Variants in MRPS14 observed in about 807,000 individuals in gnomAD.
MRPS14 encodes the protein mitochondrial ribosomal protein S14.
In MRPS14, 14 loss-of-function variants were observed where a neutral mutation model predicts 16.4. The ratio of observed to expected loss-of-function variants is 0.85; its 90% CI spans 0.56 to 1.33. The LOEUF (loss-of-function observed/expected upper bound fraction) is 1.33. Among genes scored for constraint, MRPS14 ranks in the 40% most tolerant of loss-of-function variants. The pLI, the probability that MRPS14 is intolerant of heterozygous loss-of-function variation, is 0.00. For synonymous variants in MRPS14, 54 were observed against 61.9 expected, an observed-to-expected ratio of 0.87 and a Z score of 0.60; for missense variants, 162 against 176.8, an observed-to-expected ratio of 0.92 and a Z score of 0.48.
intron 1 of MRPS14, among the ~76,000 whole-genome samples, chr1:175,018,916 C>G (rs559867689): frequency 6.6e-6 from 1 of 152,256 alleles, no homozygotes; most frequent in Admixed American, 6.5e-5. Context: ...AGAAGACACA[C>G]AGTGAAAAGT....
intron 1 of MRPS14, among the ~76,000 whole-genome samples, chr1:175,020,848 C>T (rs146308959): frequency 6.9e-4 from 105 of 152,254 alleles, no homozygotes; most frequent in African/African-American, 2.4e-3. Flanking sequence ...TCCTTACCAG[C>T]TTATAATGGT....
At chr1:175,023,292 G>C (rs761870333) in intron 1 of MRPS14, 72 bp downstream of exon 1, 2 of 1,585,830 alleles carry the variant, frequency 1.3e-6, no homozygotes, top group Admixed American at 1.8e-5. Flanking sequence ...AGGTGGCAGA[G>C]CCGTGGGGGA....
At chr1:175,019,669 G>A (rs1215580160) in intron 1 of MRPS14, among the ~76,000 whole-genome samples, 1 of 152,166 alleles carries the variant, frequency 6.6e-6, no homozygotes, top group East Asian at 1.9e-4. Flanking sequence ...AGACTTCTCA[G>A]CACTAGTTGT....
rs1672806911 is a variant in MRPS14 at position 175,013,058 on chromosome 1, C to T, written c.*1611G>A. 1 of 152,204 alleles carries T rather than the reference C, an allele frequency of 6.6e-6. No individual in the cohort carries two copies. Among genetic ancestry groups the T allele is most frequent in the South Asian group, 2.1e-4 (1 of 4,832 alleles). The allele number at this position is 152,204 out of a possible 1,614,324, so 9.4% of individuals were successfully genotyped here. On this transcript the variant is annotated 3_prime_UTR_variant, in exon 3 of 3. Coordinates refer to ENST00000476371, the MANE Select transcript of MRPS14 (RefSeq NM_022100.3). ...GGCAGTATAAACTACTTGCAAGTAA[C>T]TTTAGAACACAAGTGTTTGCCCATT...
intron 1 of MRPS14, among the ~76,000 whole-genome samples, chr1:175,020,523 T>A (rs555027891): frequency 1.1e-4 from 17 of 152,310 alleles, no homozygotes; most frequent in African/African-American, 4.1e-4. Flanking sequence ...TCCCCCTTTT[T>A]TTGAGACGGA....
rs1334673594 is a variant in MRPS14, at chr1:175,014,860, AATCACATTATTACACAG to A, written c.205-26_205-10del. On this transcript the variant is annotated splice_polypyrimidine_tract_variant and intron_variant, in intron 2 of 2. Coordinates refer to ENST00000476371, the MANE Select transcript of MRPS14 (RefSeq NM_022100.3). ...TCTTCATCAGCCACATCCTAAGGGA[AATCACATTATTACACAG>A]ATCACATTACATTGTTGCACATGTA... The A allele has an allele frequency of 1.2e-6, 2 of 1,613,514 alleles. No homozygotes were observed. The highest frequency in any genetic ancestry group is 1.7e-6 in the Non-Finnish European group (2 of 1,179,716).
Position 175,014,749 on chromosome 1 carries a change from G to T in MRPS14, c.307C>A (p.Arg103Ser). ...AAGACTATACGACTAAGCCTCCAGC[G>T]CCGCTTCACACCACGCGGACGGGAC... is the stretch of plus-strand genomic sequence containing the variant. ...MTSRPRGVKR[R>S]WRLSRIVFRH... Residue 103 changes from arginine to serine, a missense_variant, in exon 3 of 3, where the codon CGC becomes AGC. Coordinates refer to ENST00000476371, the MANE Select transcript of MRPS14 (RefSeq NM_022100.3). 6.2e-7 allele frequency: 1 copy of T among 1,614,086 alleles called. No homozygotes were observed. Among genetic ancestry groups the T allele is most frequent in the South Asian group, 1.1e-5 (1 of 91,084 alleles).
At chr1:175,020,345 G>C (rs139650133) in intron 1 of MRPS14, among the ~76,000 whole-genome samples, 11 of 152,202 alleles carry the variant, frequency 7.2e-5, no homozygotes, top group African/African-American at 2.7e-4. Context: ...CTGTGAAATT[G>C]AGGGTACAGG....
Position 175,012,984 on chromosome 1 carries a change from T to G in MRPS14, c.*1685A>C, listed in dbSNP as rs1432131128. The G allele has an allele frequency of 3.3e-5, 5 of 152,206 alleles. No individual in the cohort carries two copies. The highest frequency in any genetic ancestry group is 7.3e-5 in the Non-Finnish European group (5 of 68,052). 9.4% of individuals were successfully genotyped at this position (152,206 alleles called of 1,614,324 possible). A position where few individuals can be genotyped will look rare whatever the true frequency, so the allele number is the denominator to read the frequency against. Reference sequence around the variant, plus strand: ...TGTGGATTAGATTTTAATGTGAATTTTGGAAGTACACAAAATGTTCAAACT... The same window carrying G: ...TGTGGATTAGATTTTAATGTGAATTGTGGAAGTACACAAAATGTTCAAACT... On this transcript the variant is annotated 3_prime_UTR_variant, in exon 3 of 3. Transcript: ENST00000476371.
chr1:175,015,092 T>G (rs1672856834), intron 2 of MRPS14, among the ~76,000 whole-genome samples: 1 of 151,776 alleles, frequency 6.6e-6, no homozygotes, highest in South Asian at 2.1e-4. Context: ...AGATTACAGG[T>G]GTGCACTACC....
intron 2 of MRPS14, 49 bp from the exon 3 acceptor site, chr1:175,014,900 G>A: frequency 2.2e-6 from 3 of 1,351,898 alleles, no homozygotes; most frequent in Middle Eastern, 1.8e-4. Flanking sequence ...TGTTGCACAT[G>A]TATTTTGCTC....
rs1171275241 is a variant in MRPS14, at chr1:175,014,938, CTT to C, written c.205-89_205-88del. 4,410 of 617,682 alleles carry C rather than the reference CTT, an allele frequency of 7.1e-3. 4 individuals are homozygous for C. The highest frequency in any genetic ancestry group is 0.016 in the East Asian group (338 of 21,524). The allele number at this position is 617,682 out of a possible 1,614,324, so 38.3% of individuals were successfully genotyped here. A position where few individuals can be genotyped will look rare whatever the true frequency, so the allele number is the denominator to read the frequency against. Reference sequence around the variant, plus strand: ...TCTCACTTGCAGGTAATTTTCTTTTCTTTTTTTTTTTTTTTTGAGACAGAGTC... The same window carrying C: ...TCTCACTTGCAGGTAATTTTCTTTTCTTTTTTTTTTTTTTGAGACAGAGTC... On this transcript the variant is annotated intron_variant, in intron 2 of 2. Transcript: ENST00000476371.
chr1:175,013,068 C>T lies in MRPS14; in HGVS notation c.*1601G>A, dbSNP rs1182938360. 1 of 152,194 alleles carries T rather than the reference C, an allele frequency of 6.6e-6. No individual in the cohort carries two copies. The highest frequency in any genetic ancestry group is 1.5e-5 in the Non-Finnish European group (1 of 68,026). The allele number at this position is 152,194 out of a possible 1,614,324, so 9.4% of individuals were successfully genotyped here. ...ACTACTTGCAAGTAACTTTAGAACACAAGTGTTTGCCCATTGGTAGTGAGA... is the reference window on the plus strand; with the variant it reads ...ACTACTTGCAAGTAACTTTAGAACATAAGTGTTTGCCCATTGGTAGTGAGA... On this transcript the variant is annotated 3_prime_UTR_variant, in exon 3 of 3. Transcript: ENST00000476371.
intron 2 of MRPS14, among the ~76,000 whole-genome samples, chr1:175,016,918 G>T (rs1672890788): frequency 6.6e-6 from 1 of 152,148 alleles, no homozygotes; most frequent in African/African-American, 2.4e-5. Context: ...ACAACAGGAA[G>T]TATACCCTTT....
At position 175,014,851 on chromosome 1, in the gene MRPS14, C is replaced by T; in HGVS notation, c.205G>A (p.Asp69Asn). The change falls in exon 3 of 3, where the codon GAT becomes AAT. Residue 69 changes from aspartate (D) to asparagine (N), a missense_variant and splice_region_variant. Coordinates refer to ENST00000476371, the MANE Select transcript of MRPS14 (RefSeq NM_022100.3). ...KNTILPKILQ[D>N]VADEEIAALP... ...GCAGCAATTTCTTCATCAGCCACAT[C>T]CTAAGGGAAATCACATTATTACACA... 6.2e-7 allele frequency: 1 copy of T among 1,613,730 alleles called. No homozygotes were observed. The highest frequency in any genetic ancestry group is 8.5e-7 in the Non-Finnish European group (1 of 1,179,866).
chr1:175,018,305 T>A, intron 2 of MRPS14, 113 bp downstream of exon 2: 3 of 1,058,068 alleles, frequency 2.8e-6, no homozygotes, highest in Non-Finnish European at 4.1e-6. Context: ...TTGATGTGGA[T>A]CTTATTCTCC....
At position 175,014,368 on chromosome 1, in the gene MRPS14, T is replaced by C; in HGVS notation, c.*301A>G. On this transcript the variant is annotated 3_prime_UTR_variant, in exon 3 of 3. Transcript: ENST00000476371. ...TCTTAATACAAAAACCCCTATATGT[T>C]ACTAAAAGATTAAACTTAAAAGGAG... The C allele has an allele frequency of 2.4e-6, 1 of 412,480 alleles. No homozygotes were observed. Among genetic ancestry groups the C allele is most frequent in the Non-Finnish European group, 4.3e-6 (1 of 235,144 alleles). The allele number at this position is 412,480 out of a possible 1,614,324, so 25.6% of individuals were successfully genotyped here.
At position 175,014,554 on chromosome 1, in the gene MRPS14, A is replaced by C. The variant is rs2149413975; in HGVS notation, c.*115T>G. On this transcript the variant is annotated 3_prime_UTR_variant, in exon 3 of 3. Transcript: ENST00000476371. ...GTTTAGAGATAGCATCAGGTAGGCC[A>C]AACAACTGTACTGGGCCCCTGTAGA... 1 of 1,063,980 alleles carries C rather than the reference A, an allele frequency of 9.4e-7. No homozygotes were observed. The highest frequency in any genetic ancestry group is 1.3e-6 in the Non-Finnish European group (1 of 761,022). 65.9% of individuals were successfully genotyped at this position (1,063,980 alleles called of 1,614,324 possible).
chr1:175,023,329 AG>A, intron 1 of MRPS14, 34 bp downstream of exon 1: 1 of 1,611,356 alleles, frequency 6.2e-7, no homozygotes, highest in South Asian at 1.1e-5. Context: ...TTCAGCGGTG[AG>A]GGGTAGCGGT....
Sources: allele counts gnomAD v4.1 joint callset (sites outside exome capture counted in the v4.1 genomes callset), GRCh38; gene constraint gnomAD v4.1.1; transcripts MANE v1.5; gene names NCBI Gene and HGNC (gene_info 2026-07-23, HGNC 2026-07-21).